The following EXOSC10 variants were observed in gnomAD, a reference collection of about 807,000 sequenced individuals.
The protein encoded by EXOSC10 is exosome complex component 10.
EXOSC10 carries 94 observed loss-of-function variants against 126.6 expected under a neutral mutation model. The observed-to-expected ratio is 0.74, with a 90% CI of 0.63 to 0.88. The LOEUF is 0.88. EXOSC10 is among the 40% of genes least tolerant of loss of function. The probability of loss-of-function intolerance (pLI) is 0.00; values close to 1 mark genes in which losing one functional copy is unlikely to be tolerated. For synonymous variants in EXOSC10, 395 were observed against 400.8 expected, an observed-to-expected ratio of 0.99 and a Z score of 0.17; for missense variants, 1,041 against 1,100.5, an observed-to-expected ratio of 0.95 and a Z score of 0.77.
intron 20 of EXOSC10, chr1:11,071,319 C>T: frequency 3.4e-6 from 1 of 290,974 alleles, no homozygotes. Flanking sequence ...TGGCTGCCAG[C>T]AACTCCAGCT....
intron 17 of EXOSC10, 34 bp downstream of exon 17, chr1:11,076,808 C>T (rs1410439830): frequency 1.3e-6 from 2 of 1,492,030 alleles, no homozygotes; most frequent in Non-Finnish European, 1.9e-6. Context: ...CCAGGGGGTC[C>T]TCATCACCTC....
chr1:11,066,740 C>T lies in EXOSC10; in HGVS notation c.2636G>A (p.Arg879Lys), dbSNP rs1439103854. The T allele has an allele frequency of 6.2e-7, 1 of 1,614,230 alleles. No individual in the cohort carries two copies. The highest frequency in any genetic ancestry group is 1.7e-5 in the Admixed American group (1 of 60,018). ...GGACTATCTCTGTGGCCAGTTGTACCTGAAGCCTCTGCAGAGAGTACAAAA... is the reference window on the plus strand; with the variant it reads ...GGACTATCTCTGTGGCCAGTTGTACTTGAAGCCTCTGCAGAGAGTACAAAA... The part of the protein sequence containing the change: ...FPTGKSDRGF[R>K]YNWPQR Residue 879 changes from arginine to lysine, a missense_variant, in exon 25 of 25, where the codon AGG (arginine) becomes AAG (lysine). Physicochemically the swap from Arg to Lys is conservative, Grantham distance 26. This residue lies in a region of EXOSC10 where 388 missense variants were observed against 415.2 expected (regional missense o/e 0.93). Coordinates refer to ENST00000376936, the MANE Select transcript of EXOSC10 (RefSeq NM_001001998.3).
chr1:11,079,749 G>C lies in EXOSC10; in HGVS notation c.1711C>G (p.Leu571Val). 1 of 1,613,968 alleles carries C rather than the reference G, an allele frequency of 6.2e-7. No individual in the cohort carries two copies. The highest frequency in any genetic ancestry group is 8.5e-7 in the Non-Finnish European group (1 of 1,179,966). Residue 571 changes from leucine (L) to valine (V), a missense_variant, in exon 14 of 25, where the codon CTT (leucine) becomes GTT (valine). Leu to Val is a conservative substitution (Grantham distance 32). Coordinates refer to ENST00000376936, the MANE Select transcript of EXOSC10 (RefSeq NM_001001998.3). ...ATCTCTCGGGCCTGCTGGATTAAAA[G>C]GTGCATTTCGTTGATCTGCTGCCGC... ...LVRQQINEMH[L>V]LIQQAREMPL... is the part of the protein sequence containing the mutation.
chr1:11,069,274 A>G (rs1335116108), intron 22 of EXOSC10, among the ~76,000 whole-genome samples: 1 of 151,762 alleles, frequency 6.6e-6, no homozygotes, highest in African/African-American at 2.4e-5. Context: ...TATGGGCACA[A>G]GTTATAGTGA....
chr1:11,087,328 G>A, intron 9 of EXOSC10, 120 bp downstream of exon 9: 2 of 1,206,142 alleles, frequency 1.7e-6, no homozygotes, highest in Non-Finnish European at 2.4e-6. Context: ...ACCCTAGTTA[G>A]GAAATGACAT....
At chr1:11,096,842 G>A (rs1011908857) in intron 2 of EXOSC10, among the ~76,000 whole-genome samples, 12 of 152,244 alleles carry the variant, frequency 7.9e-5, no homozygotes, top group East Asian at 1.9e-4. Context: ...GCTCACACCT[G>A]TAATCCTAGC....
intron 20 of EXOSC10, 46 bp downstream of exon 20, chr1:11,072,041 A>T (rs1182652794): frequency 6.7e-7 from 1 of 1,493,928 alleles, no homozygotes; most frequent in Non-Finnish European, 9.3e-7. Flanking sequence ...GGTGTGCAAC[A>T]GCCATTCTTT....
In EXOSC10 at chr1:11,077,410, A is replaced by G. The variant is rs976099323; in HGVS notation, c.1834T>C (p.Cys612Arg). Residue 612 changes from cysteine (C) to arginine (R), a missense_variant, in exon 16 of 25, where the codon TGC (cysteine) becomes CGC (arginine). By Grantham distance (180) the Cys-to-Arg change is radical. This residue lies in a region of EXOSC10 where 388 missense variants were observed against 415.2 expected (regional missense o/e 0.93). Coordinates refer to ENST00000376936, the MANE Select transcript of EXOSC10 (RefSeq NM_001001998.3). ...LENVLFGPHD[C>R]SHAPPDGYPI... The stretch of plus-strand genomic sequence containing the variant: ...TAGCCATCCGGAGGGGCATGGGAGC[A>G]GTCGTGAGGTCCAAAGAGAACATTC... The G allele has an allele frequency of 1.2e-6, 2 of 1,613,914 alleles. No homozygotes were observed. The highest frequency in any genetic ancestry group is 1.3e-5 in the African/African-American group (1 of 74,932).
At chr1:11,095,001 C>T (rs937927401) in intron 3 of EXOSC10, among the ~76,000 whole-genome samples, 2 of 151,814 alleles carry the variant, frequency 1.3e-5, no homozygotes, top group East Asian at 3.9e-4. Flanking sequence ...CACTTGAAGT[C>T]AGGAGTTTGA....
At chr1:11,087,389 G>A in intron 9 of EXOSC10, 59 bp downstream of exon 9, 1 of 1,599,336 alleles carries the variant, frequency 6.3e-7, no homozygotes, top group Non-Finnish European at 8.6e-7. Flanking sequence ...ATAGTACACT[G>A]AAAAGCACTA....
At chr1:11,082,603 T>A in intron 10 of EXOSC10, 85 bp downstream of exon 10, 3 of 1,574,034 alleles carry the variant, frequency 1.9e-6, no homozygotes, top group Non-Finnish European at 2.6e-6. Flanking sequence ...GTGGTAGGGC[T>A]CAAACCCAGG....
intron 10 of EXOSC10, among the ~76,000 whole-genome samples, chr1:11,082,372 C>T (rs1234711858): frequency 6.6e-6 from 1 of 152,138 alleles, no homozygotes; most frequent in Non-Finnish European, 1.5e-5. Flanking sequence ...AGATCTTACA[C>T]ACACACAAAA....
chr1:11,069,772 C>T (rs766993221), intron 21 of EXOSC10, 42 bp from the exon 22 acceptor site: 1 of 1,606,306 alleles, frequency 6.2e-7, no homozygotes, highest in Admixed American at 1.7e-5. Context: ...CAGGGAGGCA[C>T]ATGGGAACAG....
chr1:11,096,048 A>T (rs1641066194), intron 2 of EXOSC10, among the ~76,000 whole-genome samples, 167 bp from the exon 3 acceptor site: 1 of 150,514 alleles, frequency 6.6e-6, no homozygotes, highest in Admixed American at 6.6e-5. Flanking sequence ...CAGTGGCATG[A>T]TCTTGGCTCT....
chr1:11,078,557 G>A (rs1057230943), intron 14 of EXOSC10, among the ~76,000 whole-genome samples: 2 of 152,108 alleles, frequency 1.3e-5, no homozygotes, highest in Non-Finnish European at 1.5e-5. Flanking sequence ...GCGCCCGGCT[G>A]ACCCTGTTTC....
At chr1:11,066,826 A>G in intron 24 of EXOSC10, 78 bp from the exon 25 acceptor site, 1 of 1,530,850 alleles carries the variant, frequency 6.5e-7, no homozygotes, top group Admixed American at 1.7e-5. Flanking sequence ...AATGGTGCAA[A>G]TCTTAATCAT....
intron 9 of EXOSC10, 107 bp from the exon 10 acceptor site, chr1:11,082,985 C>T: frequency 2.2e-6 from 2 of 890,786 alleles, no homozygotes; most frequent in Non-Finnish European, 3.6e-6. Flanking sequence ...AAGGTAGTCT[C>T]CGCTGTCCCA....
rs755049924 is a variant in EXOSC10, at chr1:11,080,876, G to C, written c.1474C>G (p.Leu492Val). The change falls in exon 12 of 25, where the codon CTT becomes GTT. Residue 492 changes from leucine to valine, a missense_variant. Leu to Val is a conservative substitution (Grantham distance 32, BLOSUM62 1). Around this residue, in one of 3 missense-constraint regions of EXOSC10, gnomAD observed 645 missense variants for 656.3 expected, o/e 0.98. Coordinates refer to ENST00000376936, the MANE Select transcript of EXOSC10 (RefSeq NM_001001998.3). Reference sequence around the variant, plus strand: ...TTCTTCTGCTTCCTATAGAGTTCAAGGTAGGACTCATCCGTGAAGATAGGT... The same window carrying C: ...TTCTTCTGCTTCCTATAGAGTTCAACGTAGGACTCATCCGTGAAGATAGGT... Reference protein sequence around the residue: ...IKPIFTDESYLELYRKQKKHL... With the variant: ...IKPIFTDESYVELYRKQKKHL... 12 of 1,612,208 alleles carry C rather than the reference G, an allele frequency of 7.4e-6. No individual in the cohort carries two copies. The highest frequency in any genetic ancestry group is 1.0e-5 in the Non-Finnish European group (12 of 1,179,482).
intron 6 of EXOSC10, among the ~76,000 whole-genome samples, chr1:11,088,664 G>A (rs1216107176): frequency 2.0e-5 from 3 of 149,798 alleles, no homozygotes; most frequent in East Asian, 1.9e-4. Context: ...CGAGGATCAC[G>A]GTAGCCCAGG....
Sources: gnomAD v4.1 joint callset for allele counts (sites outside exome capture counted in the v4.1 genomes callset) on GRCh38, gnomAD v4.1.1 for gene constraint, gnomAD v4.1.1 regional missense constraint, MANE v1.5 for transcripts, NCBI Gene and HGNC (gene_info 2026-07-23, HGNC 2026-07-21) for gene names.